Variants in FAT3 observed in about 807,000 individuals in gnomAD.
FAT3 encodes FAT atypical cadherin 3.
In FAT3, 95 loss-of-function variants were observed where a neutral mutation model predicts 310.2. That is an observed-to-expected ratio of 0.31 (90% confidence interval 0.26 to 0.36). The LOEUF is 0.36. Ranked by LOEUF, FAT3 falls within the 10% of genes least tolerant of loss-of-function variation. FAT3 has a pLI of 1.00. For synonymous variants in FAT3, 2,314 were observed against 2,192.9 expected (o/e 1.06, Z -1.54); for missense variants, 5,408 against 5,715.6 (o/e 0.95, Z 1.74).
intron 2 of FAT3, among the ~76,000 whole-genome samples, chr11:92,418,355 T>C (rs915498148): frequency 2.0e-5 from 3 of 151,192 alleles, no homozygotes; most frequent in African/African-American, 7.3e-5. Flanking sequence ...AAAAAATACT[T>C]TAAAAAATTA....
At chr11:92,356,246 C>G (rs1011763333) in intron 2 of FAT3, among the ~76,000 whole-genome samples, 6 of 152,266 alleles carry the variant, frequency 3.9e-5, no homozygotes, top group Admixed American at 6.5e-5. Context: ...TTTGTTAGCA[C>G]TGTGCATTTT....
At chr11:92,680,992 A>G (rs1029122627) in intron 3 of FAT3, among the ~76,000 whole-genome samples, 12 of 152,252 alleles carry the variant, frequency 7.9e-5, no homozygotes, top group Non-Finnish European at 1.5e-5. Flanking sequence ...AAATAGGACA[A>G]AAAGCATGCA....
At chr11:92,764,105 C>T (rs1046113864) in intron 5 of FAT3, among the ~76,000 whole-genome samples, 10 of 152,010 alleles carry the variant, frequency 6.6e-5, no homozygotes. Flanking sequence ...GTCCAGGGTT[C>T]ACCTGGACTC....
At chr11:92,528,995 A>G (rs1953973527) in intron 3 of FAT3, among the ~76,000 whole-genome samples, 1 of 152,222 alleles carries the variant, frequency 6.6e-6, no homozygotes, top group Non-Finnish European at 1.5e-5. Flanking sequence ...GTCTTGCCTT[A>G]GCAATTGCTA....
intron 2 of FAT3, among the ~76,000 whole-genome samples, chr11:92,434,015 C>CAAAAA (rs5793598): frequency 7.9e-6 from 1 of 125,868 alleles, no homozygotes; most frequent in Non-Finnish European, 1.6e-5. Flanking sequence ...GACTCAGTCT[C>CAAAAA]AAAAAAAAAA....
chr11:92,476,893 C>T (rs1952065226), intron 2 of FAT3, among the ~76,000 whole-genome samples: 1 of 152,172 alleles, frequency 6.6e-6, no homozygotes, highest in Non-Finnish European at 1.5e-5. Context: ...GTGACTTTCT[C>T]CTCTACTTGC....
intron 1 of FAT3, among the ~76,000 whole-genome samples, chr11:92,295,587 A>C (rs1946828276): frequency 6.6e-6 from 1 of 152,126 alleles, no homozygotes; most frequent in African/African-American, 2.4e-5. Context: ...AATACATTTT[A>C]GTCTTCTAGA....
At chr11:92,608,748 C>T (rs898345043) in intron 3 of FAT3, among the ~76,000 whole-genome samples, 1 of 58,682 alleles carries the variant, frequency 1.7e-5, no homozygotes, top group East Asian at 3.9e-4. Flanking sequence ...TAATAATACT[C>T]CTCACATGCA....
chr11:92,511,189 T>G (rs967634711), intron 2 of FAT3, among the ~76,000 whole-genome samples: 56 of 152,186 alleles, frequency 3.7e-4, no homozygotes, highest in African/African-American at 1.3e-3. Context: ...AACCCAAAAC[T>G]GGGCATAATT....
intron 1 of FAT3, among the ~76,000 whole-genome samples, chr11:92,317,065 G>A (rs971247026): frequency 6.6e-6 from 1 of 152,132 alleles, no homozygotes; most frequent in Non-Finnish European, 1.5e-5. Flanking sequence ...AAAATTTTGA[G>A]TATCCTGGTT....
At chr11:92,542,069 C>T (rs1268313260) in intron 3 of FAT3, among the ~76,000 whole-genome samples, 1 of 151,862 alleles carries the variant, frequency 6.6e-6, no homozygotes, top group African/African-American at 2.4e-5. Context: ...ACGAAAATGC[C>T]AAGAACACAC....
chr11:92,883,029 A>G lies in FAT3; in HGVS notation c.12573A>G (p.Leu4191=), dbSNP rs1281395364. 1.2e-6 allele frequency: 2 copies of G among 1,613,948 alleles called. No individual in the cohort carries two copies. The highest frequency in any genetic ancestry group is 1.7e-6 in the Non-Finnish European group (2 of 1,179,902). The change falls in exon 24 of 28, where the codon CTA becomes CTG. Residue 4191 remains leucine (L), a synonymous_variant. Transcript: ENST00000525166. This position sits in a 1 kb window ranked among gnomAD's most constrained non-coding sequence, Gnocchi z 4.2. ...RKNYSRNNIT[L]VQDPATAALL... ...ACTACTCCCGCAACAACATCACGCTAGTGCAGGACCCGGCCACCGCCGCCC... is the reference window on the plus strand; with the variant it reads ...ACTACTCCCGCAACAACATCACGCTGGTGCAGGACCCGGCCACCGCCGCCC...
intron 2 of FAT3, among the ~76,000 whole-genome samples, chr11:92,510,507 A>G (rs1241801283): frequency 6.6e-6 from 1 of 152,188 alleles, no homozygotes; most frequent in East Asian, 1.9e-4. Context: ...GCCTGGTGCC[A>G]ACTACACAGA....
At chr11:92,453,152 A>G (rs1951404486) in intron 2 of FAT3, among the ~76,000 whole-genome samples, 1 of 152,206 alleles carries the variant, frequency 6.6e-6, no homozygotes, top group African/African-American at 2.4e-5. Flanking sequence ...CTCTCAAAAA[A>G]TAAGTCCGTA....
At chr11:92,470,923 T>C (rs992875529) in intron 2 of FAT3, among the ~76,000 whole-genome samples, 2 of 152,222 alleles carry the variant, frequency 1.3e-5, no homozygotes, top group Admixed American at 1.3e-4. Flanking sequence ...GAAGGAAACA[T>C]ACTTGTAATC....
intron 1 of FAT3, among the ~76,000 whole-genome samples, chr11:92,291,123 G>GCACACA (rs1391202263): frequency 6.9e-6 from 1 of 144,412 alleles, no homozygotes; most frequent in South Asian, 2.2e-4. Flanking sequence ...ACACATGCAC[G>GCACACA]CGCGCAGAAG....
intron 1 of FAT3, among the ~76,000 whole-genome samples, chr11:92,243,167 T>C (rs1056339912): frequency 1.2e-4 from 19 of 152,178 alleles, no homozygotes; most frequent in Admixed American, 8.5e-4. Context: ...TGTCTTCTTT[T>C]TTCCACCTAA....
intron 7 of FAT3, among the ~76,000 whole-genome samples, chr11:92,776,376 C>A (rs1946598143): frequency 6.6e-6 from 1 of 152,156 alleles, no homozygotes; most frequent in Admixed American, 6.5e-5. Flanking sequence ...GATACTTTTA[C>A]TTTAGAATTT....
chr11:92,236,486 CT>C (rs1864426610), intron 1 of FAT3, among the ~76,000 whole-genome samples: 1 of 152,028 alleles, frequency 6.6e-6, no homozygotes, highest in African/African-American at 2.4e-5. Context: ...GAATGTCCTA[CT>C]ACAAAAAATA....
Sources: allele counts gnomAD v4.1 joint callset (sites outside exome capture counted in the v4.1 genomes callset), GRCh38; gene constraint gnomAD v4.1.1; non-coding constraint Gnocchi (gnomAD v3.1); transcripts MANE v1.5; gene names NCBI Gene and HGNC (gene_info 2026-07-23, HGNC 2026-07-21).